NUBP1: variants seen among roughly 807,000 people sequenced by gnomAD.
NUBP1 encodes NUBP iron-sulfur cluster assembly factor 1, cytosolic.
In NUBP1, 46 loss-of-function variants were observed where a neutral mutation model predicts 41.8. The ratio of observed to expected loss-of-function variants is 1.10; its 90% CI spans 0.87 to 1.41. The LOEUF (loss-of-function observed/expected upper bound fraction) is 1.41, where lower values mean the gene tolerates loss of function less well. Among genes scored for constraint, NUBP1 ranks in the 40% most tolerant of loss-of-function variants. The pLI is 0.00. For synonymous variants in NUBP1, 189 were observed against 154.6 expected, an observed-to-expected ratio of 1.22 and a Z score of -1.65; for missense variants, 494 against 414.0, an observed-to-expected ratio of 1.19 and a Z score of -1.68.
rs1170362723 is a variant in NUBP1 at position 10,743,882 on chromosome 16, G to T, written c.19G>T (p.Asp7Tyr). The T allele has an allele frequency of 1.9e-6, 3 of 1,568,064 alleles. No individual in the cohort carries two copies. The highest frequency in any genetic ancestry group is 2.6e-6 in the Non-Finnish European group (3 of 1,158,134). Residue 7 changes from aspartate (D) to tyrosine (Y), a missense_variant and splice_region_variant, in exon 1 of 11, where the codon GAC becomes TAC. Coordinates refer to ENST00000283027, the MANE Select transcript of NUBP1 (RefSeq NM_002484.4). MEEVPH[D>Y]CPGADSAQAG... ...CGACGGAATGGAGGAGGTGCCTCAC[G>T]GTAAGCTCGCGGAGGGGGCGTGGGT... is the stretch of plus-strand genomic sequence containing the variant.
In NUBP1 at chr16:10,744,042, G is replaced by C. The variant is rs778368355; in HGVS notation, c.101G>C (p.Gly34Ala). The change falls in exon 2 of 11, where the codon GGA becomes GCA. Residue 34 changes from glycine (G) to alanine (A), a missense_variant. Physicochemically the swap from Gly to Ala is moderately conservative, Grantham distance 60 (BLOSUM62 0). Transcript: ENST00000283027. ...CCCAACCAGCGGCTGTGCGCTTCTG[G>C]AGCGGGGGCCACTCCGGACACGGGT... is the stretch of plus-strand genomic sequence containing the variant. ...GCPNQRLCAS[G>A]AGATPDTAIE... 5.1e-6 allele frequency: 8 copies of C among 1,583,520 alleles called. No homozygotes were observed. The highest frequency in any genetic ancestry group is 3.5e-5 in the South Asian group (3 of 86,406).
In NUBP1 at chr16:10,759,452, C is replaced by T. The variant is rs1298386793; in HGVS notation, c.606+1425C>T. Among the ~76,000 whole-genome samples, 2 of 152,194 alleles carry T rather than the reference C, an allele frequency of 1.3e-5. No homozygotes were observed. Among genetic ancestry groups the T allele is most frequent in the Non-Finnish European group, 2.9e-5 (2 of 68,034 alleles). On this transcript the variant is annotated intron_variant, in intron 7 of 10. Transcript: ENST00000283027. This position sits in a 1 kb window ranked among gnomAD's most constrained non-coding sequence, Gnocchi z 4.7. ...GCAGTGGAGAGAAAGTGTATTTGTC[C>T]TTAGGAATGTTTTCTGTCCCATTTT...
In NUBP1 at chr16:10,768,906, G is replaced by A; in HGVS notation, c.905-141G>A. On this transcript the variant is annotated intron_variant, in intron 10 of 10. Coordinates refer to ENST00000283027, the MANE Select transcript of NUBP1 (RefSeq NM_002484.4). This position sits in a 1 kb window ranked among gnomAD's most constrained non-coding sequence, Gnocchi z 4.3. ...ATTCCGGTCACTTTCAAAGACTCAG[G>A]GCATCACAGACACAGGTCTTTTTAT... is the stretch of plus-strand genomic sequence containing the variant. 2 of 703,044 alleles carry A rather than the reference G, an allele frequency of 2.8e-6. No individual in the cohort carries two copies. Among genetic ancestry groups the A allele is most frequent in the Non-Finnish European group, 5.0e-6 (2 of 401,224 alleles). The allele number at this position is 703,044 out of a possible 1,614,324, so 43.6% of individuals were successfully genotyped here.
chr16:10,752,537 C>T, intron 3 of NUBP1, 73 bp from the exon 4 acceptor site: 1 of 1,223,542 alleles, frequency 8.2e-7, no homozygotes, highest in Non-Finnish European at 1.2e-6. Flanking sequence ...TAACCCCGCT[C>T]CCCTCCTAGT....
chr16:10,743,915 C>A (rs933144972), intron 1 of NUBP1, 33 bp downstream of exon 1: 1 of 1,575,824 alleles, frequency 6.3e-7, no homozygotes, highest in South Asian at 1.2e-5. Context: ...GGTCGCGGGG[C>A]GAAAGTGTCG....
In NUBP1 at chr16:10,743,988, C is replaced by A. The variant is rs756064160; in HGVS notation, c.47C>A (p.Ala16Glu). The A allele has an allele frequency of 1.5e-5, 24 of 1,580,176 alleles. No homozygotes were observed. The highest frequency in any genetic ancestry group is 2.1e-5 in the Non-Finnish European group (24 of 1,169,060). The change falls in exon 2 of 11, where the codon GCG becomes GAG. Residue 16 changes from alanine to glutamate, a missense_variant. Physicochemically the swap from Ala to Glu is moderately radical, Grantham distance 107. Transcript: ENST00000283027. ...TGTCCAGGGGCCGACAGCGCCCAGG[C>A]GGGCAGAGGGGCTTCATGTCAGGGA... ...HDCPGADSAQ[A>E]GRGASCQGCP...
At chr16:10,744,983 C>T (rs1899996888) in intron 2 of NUBP1, among the ~76,000 whole-genome samples, 1 of 151,322 alleles carries the variant, frequency 6.6e-6, no homozygotes, top group South Asian at 2.1e-4. Context: ...GTCTCGAACT[C>T]CTGACCTCAA....
At chr16:10,755,854 T>G in intron 5 of NUBP1, 101 bp downstream of exon 5, 1 of 1,097,878 alleles carries the variant, frequency 9.1e-7, no homozygotes, top group Non-Finnish European at 1.4e-6. Flanking sequence ...TTAGGGTACT[T>G]TTCGAGGCAC....
chr16:10,744,861 G>GA (rs1371627598), intron 2 of NUBP1, among the ~76,000 whole-genome samples: 2 of 151,754 alleles, frequency 1.3e-5, no homozygotes, highest in Non-Finnish European at 2.9e-5. Flanking sequence ...AGGTTCAAGC[G>GA]ATTCTCGTGC....
chr16:10,762,894 CATGGGGAGA>C (rs983424845), intron 9 of NUBP1, among the ~76,000 whole-genome samples: 4 of 147,912 alleles, frequency 2.7e-5, no homozygotes, highest in Admixed American at 6.7e-5. Context: ...GGAAGGGCTG[CATGGGGAGA>C]ATGGGAGCCT....
rs912221954 is a variant in NUBP1 at position 10,766,676 on chromosome 16, A to AAAGG, written c.821-1260_821-1257dup. 6.1e-6 allele frequency: 2 copies of AAAGG among 329,204 alleles called. No homozygotes were observed. Among genetic ancestry groups the AAAGG allele is most frequent in the African/African-American group, 2.1e-5 (1 of 46,720 alleles). 20.4% of individuals were successfully genotyped at this position (329,204 alleles called of 1,614,324 possible). A position where few individuals can be genotyped will look rare whatever the true frequency, so the allele number is the denominator to read the frequency against. On this transcript the variant is annotated intron_variant, in intron 9 of 10. Coordinates refer to ENST00000283027, the MANE Select transcript of NUBP1 (RefSeq NM_002484.4). The surrounding 1 kb of genome is among the most constrained non-coding windows in gnomAD (Gnocchi z 4.8). ...AAAAAATTGGACAAAACGCACAAAGAAAGGAAGGAAGGAAGGGATTTATTG... is the reference window on the plus strand; with the variant it reads ...AAAAAATTGGACAAAACGCACAAAGAAAGGAAGGAAGGAAGGAAGGGATTTATTG...
At chr16:10,754,025 C>T (rs949351549) in intron 4 of NUBP1, among the ~76,000 whole-genome samples, 7 of 152,090 alleles carry the variant, frequency 4.6e-5, no homozygotes, top group African/African-American at 7.2e-5. Context: ...TGGTAGCACA[C>T]GCCACAGTGA....
intron 5 of NUBP1, 142 bp from the exon 6 acceptor site, chr16:10,756,548 G>A: frequency 2.0e-6 from 1 of 504,884 alleles, no homozygotes; most frequent in East Asian, 3.7e-5. Context: ...GGAGCAAAGA[G>A]TGAATATGCT....
Position 10,749,938 on chromosome 16 carries a change from C to CA in NUBP1, c.258+2663dup, listed in dbSNP as rs1318001809. ...GAGCCTCTGTAGCATAAGCCTGAGC[C>CA]ATGAGACAGCCAAGAGTCATACACT... is the stretch of plus-strand genomic sequence containing the variant. On this transcript the variant is annotated intron_variant, in intron 3 of 10. Transcript: ENST00000283027. The surrounding 1 kb of genome is among the most constrained non-coding windows in gnomAD (Gnocchi z 4.1). Among the ~76,000 whole-genome samples, 1 of 152,212 alleles carries CA rather than the reference C, an allele frequency of 6.6e-6. No individual in the cohort carries two copies. The highest frequency in any genetic ancestry group is 2.4e-5 in the African/African-American group (1 of 41,466).
In NUBP1 at chr16:10,755,558, G is replaced by A. The variant is rs571689919; in HGVS notation, c.328-163G>A. On this transcript the variant is annotated intron_variant, in intron 4 of 10. Transcript: ENST00000283027. ...GTTGAGTTGCATCTTTATTACCCAC[G>A]CCCTAGCTGTTCACCTCCTTTTAGG... 4.6e-5 allele frequency among the ~76,000 whole-genome samples: 7 copies of A among 152,272 alleles called. No homozygotes were observed. The South Asian group carries it at 1.2e-3, about 27-fold the overall frequency.
intron 7 of NUBP1, among the ~76,000 whole-genome samples, chr16:10,758,312 A>AAT (rs939636341): frequency 7.9e-5 from 12 of 152,006 alleles, no homozygotes; most frequent in African/African-American, 2.9e-4. Flanking sequence ...CTCTACAAAA[A>AAT]ATATTTTAAA....
At position 10,759,724 on chromosome 16, in the gene NUBP1, C is replaced by G. The variant is rs577113211; in HGVS notation, c.607-1640C>G. 1.3e-5 allele frequency among the ~76,000 whole-genome samples: 2 copies of G among 152,050 alleles called. No homozygotes were observed. The highest frequency in any genetic ancestry group is 4.8e-5 in the African/African-American group (2 of 41,384). On this transcript the variant is annotated intron_variant, in intron 7 of 10. Transcript: ENST00000283027. This position sits in a 1 kb window ranked among gnomAD's most constrained non-coding sequence, Gnocchi z 4.7. Reference sequence around the variant, plus strand: ...CCAGGAGACAGAGGTTGCAGTGAGCCGAGATCGCGCCACTGCACTCCAGCC... The same window carrying G: ...CCAGGAGACAGAGGTTGCAGTGAGCGGAGATCGCGCCACTGCACTCCAGCC...
rs143615172 is a variant in NUBP1, at chr16:10,762,151, C to T, written c.820+292C>T. ...GTGGCAGGGGACTGAGGAGGGCACCCGATAGAGGGGCGGCTCCAGGGGATG... is the reference window on the plus strand; with the variant it reads ...GTGGCAGGGGACTGAGGAGGGCACCTGATAGAGGGGCGGCTCCAGGGGATG... On this transcript the variant is annotated intron_variant, in intron 9 of 10. Transcript: ENST00000283027. 1.3e-3 allele frequency: 361 copies of T among 268,430 alleles called. 1 individual carries two copies. The highest frequency in any genetic ancestry group is 7.1e-3 in the African/African-American group (323 of 45,736). 16.6% of individuals were successfully genotyped at this position (268,430 alleles called of 1,614,324 possible).
At chr16:10,764,327 T>G (rs1182490309) in intron 9 of NUBP1, among the ~76,000 whole-genome samples, 1 of 152,212 alleles carries the variant, frequency 6.6e-6, no homozygotes, top group East Asian at 1.9e-4. Flanking sequence ...CTCAGTCTGC[T>G]GGAGTGTGGC....
Sources: gnomAD v4.1 joint callset for allele counts (sites outside exome capture counted in the v4.1 genomes callset) on GRCh38, gnomAD v4.1.1 for gene constraint, Gnocchi (gnomAD v3.1) non-coding constraint, MANE v1.5 for transcripts, NCBI Gene and HGNC (gene_info 2026-07-23, HGNC 2026-07-21) for gene names.